MPDZ: variants seen among roughly 807,000 people sequenced by gnomAD.
The protein encoded by MPDZ is multiple PDZ domain protein.
In MPDZ, 234 loss-of-function variants were observed where a neutral mutation model predicts 239.1. That is an observed-to-expected ratio of 0.98 (90% CI 0.88 to 1.09). The LOEUF (loss-of-function observed/expected upper bound fraction) is 1.09. MPDZ is among the 50% of genes least tolerant of loss of function. The probability of loss-of-function intolerance (pLI) is 0.00; values close to 1 mark genes in which losing one functional copy is unlikely to be tolerated. For missense variants in MPDZ, 3,175 were observed against 2,510.0 expected (o/e 1.26, Z -5.66); for synonymous variants, 1,048 against 881.3 (o/e 1.19, Z -3.35).
At chr9:13,187,264 C>T (rs956666736) in intron 17 of MPDZ, among the ~76,000 whole-genome samples, 2 of 151,392 alleles carry the variant, frequency 1.3e-5, no homozygotes, top group South Asian at 2.1e-4. Context: ...TATCAAATAC[C>T]GTCATAAAAG....
chr9:13,266,447 T>C (rs1490842261), intron 1 of MPDZ, among the ~76,000 whole-genome samples: 1 of 152,242 alleles, frequency 6.6e-6, no homozygotes, highest in Non-Finnish European at 1.5e-5. Context: ...CACATTCTCT[T>C]TCTCCTTCTC....
chr9:13,267,293 T>C (rs997026570), intron 1 of MPDZ, among the ~76,000 whole-genome samples: 1 of 152,216 alleles, frequency 6.6e-6, no homozygotes, highest in Non-Finnish European at 1.5e-5. Context: ...AGCTTCCAAA[T>C]ATCCCTGTTT....
chr9:13,133,052 T>TA (rs1357867493), intron 32 of MPDZ, among the ~76,000 whole-genome samples: 3 of 152,138 alleles, frequency 2.0e-5, no homozygotes, highest in African/African-American at 4.8e-5. Flanking sequence ...ACAGATTTTT[T>TA]AAAAAAATCA....
chr9:13,169,168 G>A (rs763188906), intron 21 of MPDZ, among the ~76,000 whole-genome samples: 20 of 152,074 alleles, frequency 1.3e-4, no homozygotes, highest in Non-Finnish European at 2.2e-4. Flanking sequence ...ACAGTTTGTT[G>A]AAATGAATTT....
rs529495076 is a variant in MPDZ at position 13,115,789 on chromosome 9, C to G, written c.5380-455G>C. Among the ~76,000 whole-genome samples, 415 of 151,624 alleles carry G rather than the reference C, an allele frequency of 2.7e-3. 2 individuals carry two copies. The highest frequency in any genetic ancestry group is 9.6e-3 in the African/African-American group (395 of 41,330). On this transcript the variant is annotated intron_variant, in intron 39 of 46. Transcript: ENST00000319217. Reference sequence around the variant, plus strand: ...TGAAACCCTGTCTCTACTAAAAATACAAAAAAATAGCTGGGCGTGGTGGCA... The same window carrying G: ...TGAAACCCTGTCTCTACTAAAAATAGAAAAAAATAGCTGGGCGTGGTGGCA...
intron 1 of MPDZ, among the ~76,000 whole-genome samples, chr9:13,261,441 A>C (rs968883321): frequency 6.6e-6 from 1 of 152,104 alleles, no homozygotes; most frequent in Non-Finnish European, 1.5e-5. Flanking sequence ...GTATGGTACC[A>C]TATCATTACA....
In MPDZ at chr9:13,113,009, A is replaced by T; in HGVS notation, c.5601+2T>A. The stretch of plus-strand genomic sequence containing the variant: ...TTATATTGTTTTCTCTCCCCAAGTT[A>T]CCTTTTTCATTTCGACTGTTCTTAA... On this transcript the variant is annotated splice_donor_variant, in intron 42 of 46. Transcript: ENST00000319217. LOFTEE classifies it high-confidence loss of function. 6.3e-7 allele frequency: 1 copy of T among 1,582,810 alleles called. No homozygotes were observed. Among genetic ancestry groups the T allele is most frequent in the Admixed American group, 1.8e-5 (1 of 55,658 alleles).
At position 13,126,761 on chromosome 9, in the gene MPDZ, AC is replaced by A; in HGVS notation, c.4475del (p.Gly1492ValfsTer17). On this transcript the variant is annotated frameshift_variant, in exon 33 of 47. Coordinates refer to ENST00000319217, the MANE Select transcript of MPDZ (RefSeq NM_001378778.1). LOFTEE classifies it high-confidence loss of function. Reference protein sequence around the residue: ...QHLELPKDQGGLGIAISEEDT... With the variant: ...QHLELPKDQGXLGIAISEEDT... Reference sequence around the variant, plus strand: ...CTTCTTCGCTGATAGCAATACCCAAACCCCCCTGATCCTAGAAAAGTAAAAA... The same window carrying A: ...CTTCTTCGCTGATAGCAATACCCAAACCCCCTGATCCTAGAAAAGTAAAAA... 1.2e-6 allele frequency: 2 copies of A among 1,613,364 alleles called. No homozygotes were observed. Among genetic ancestry groups the A allele is most frequent in the Non-Finnish European group, 1.7e-6 (2 of 1,179,604 alleles).
At chr9:13,200,133 G>A (rs573704247) in intron 12 of MPDZ, among the ~76,000 whole-genome samples, 51 of 151,862 alleles carry the variant, frequency 3.4e-4, no homozygotes, top group African/African-American at 1.0e-3. Flanking sequence ...TTACTGGTCC[G>A]TTCAAGTTTT....
chr9:13,215,284 A>G (rs967596974), intron 10 of MPDZ, among the ~76,000 whole-genome samples: 1 of 151,856 alleles, frequency 6.6e-6, no homozygotes, highest in Middle Eastern at 3.4e-3. Context: ...GAAGCATGTG[A>G]TAAGATTTCC....
At chr9:13,154,720 A>T (rs1212769140) in intron 24 of MPDZ, among the ~76,000 whole-genome samples, 1 of 152,108 alleles carries the variant, frequency 6.6e-6, no homozygotes, top group Non-Finnish European at 1.5e-5. Context: ...CAAGATATGA[A>T]ACTGAAACTC....
intron 10 of MPDZ, among the ~76,000 whole-genome samples, chr9:13,215,236 T>C (rs1281421757): frequency 1.3e-5 from 2 of 151,860 alleles, no homozygotes; most frequent in African/African-American, 4.8e-5. Context: ...TTGTGACTTA[T>C]TTCACTTAGC....
intron 11 of MPDZ, 132 bp downstream of exon 11, chr9:13,205,784 A>T: frequency 1.3e-6 from 1 of 783,828 alleles, no homozygotes. Flanking sequence ...CTTGGTTTAT[A>T]ATGAATAGTT....
chr9:13,248,334 T>C (rs1966883806), intron 2 of MPDZ, among the ~76,000 whole-genome samples: 1 of 151,908 alleles, frequency 6.6e-6, no homozygotes, highest in Admixed American at 6.6e-5. Flanking sequence ...CAAAATTAAA[T>C]AGCAAACAAA....
At chr9:13,261,826 G>A (rs1451866003) in intron 1 of MPDZ, among the ~76,000 whole-genome samples, 1 of 148,438 alleles carries the variant, frequency 6.7e-6, no homozygotes, top group Non-Finnish European at 1.5e-5. Flanking sequence ...TTAGCCAGGA[G>A]CTCAAAACCA....
chr9:13,139,979 C>G lies in MPDZ; in HGVS notation c.4003+8G>C, dbSNP rs761551540. 6.2e-6 allele frequency: 10 copies of G among 1,613,264 alleles called. No homozygotes were observed. In the South Asian group the frequency reaches 1.1e-4, roughly 18 times the overall value. On this transcript the variant is annotated splice_region_variant and intron_variant, in intron 28 of 46. Coordinates refer to ENST00000319217, the MANE Select transcript of MPDZ (RefSeq NM_001378778.1). ...TACAATTAAATGCATCACAAAAACACAACTTACTCCAGCTGTAACCAAACT... is the reference window on the plus strand; with the variant it reads ...TACAATTAAATGCATCACAAAAACAGAACTTACTCCAGCTGTAACCAAACT...
At chr9:13,116,894 C>T (rs1943539356) in intron 39 of MPDZ, among the ~76,000 whole-genome samples, 1 of 151,988 alleles carries the variant, frequency 6.6e-6, no homozygotes, top group Non-Finnish European at 1.5e-5. Flanking sequence ...TGCATCTATG[C>T]GGTAAATACA....
chr9:13,193,984 G>A (rs1955296183), intron 13 of MPDZ, among the ~76,000 whole-genome samples: 2 of 152,126 alleles, frequency 1.3e-5, no homozygotes, highest in South Asian at 2.1e-4. Context: ...GCAGAAGTCA[G>A]TTTCAGAAGC....
chr9:13,141,582 T>C (rs532662417), intron 27 of MPDZ, among the ~76,000 whole-genome samples: 2 of 152,294 alleles, frequency 1.3e-5, no homozygotes, highest in African/African-American at 4.8e-5. Context: ...TATGTTTATA[T>C]CTAGAAAAAT....
Sources: gnomAD v4.1 joint callset for allele counts (sites outside exome capture counted in the v4.1 genomes callset) on GRCh38, gnomAD v4.1.1 for gene constraint, MANE v1.5 for transcripts, NCBI Gene and HGNC (gene_info 2026-07-23, HGNC 2026-07-21) for gene names.